The following METTL16 variants were observed in gnomAD, a reference collection of about 807,000 sequenced individuals.
METTL16 encodes the protein methyltransferase 16, RNA N6-adenosine.
METTL16 carries 19 observed loss-of-function variants against 57.9 expected under a neutral mutation model. That is an observed-to-expected ratio of 0.33 (90% confidence interval 0.23 to 0.48). The LOEUF (loss-of-function observed/expected upper bound fraction) is 0.48, where lower values mean the gene tolerates loss of function less well. METTL16 is among the 20% of genes least tolerant of loss of function. The pLI is 0.99. For synonymous variants in METTL16, 246 were observed against 255.6 expected, an observed-to-expected ratio of 0.96 and a Z score of 0.36; for missense variants, 434 against 691.5, an observed-to-expected ratio of 0.63 and a Z score of 4.18.
In METTL16 at chr17:2,417,058, C is replaced by CTTTATTTTTTTT. The variant is rs2066722449; in HGVS notation, c.*2911_*2912insAAAAAAAATAAA. 1 of 61,534 alleles carries CTTTATTTTTTTT rather than the reference C, an allele frequency of 1.6e-5. No individual in the cohort carries two copies. Among genetic ancestry groups the CTTTATTTTTTTT allele is most frequent in the Admixed American group, 2.3e-4 (1 of 4,298 alleles). 3.8% of individuals were successfully genotyped at this position (61,534 alleles called of 1,614,324 possible). A position where few individuals can be genotyped will look rare whatever the true frequency, so the allele number is the denominator to read the frequency against. On this transcript the variant is annotated 3_prime_UTR_variant, in exon 10 of 10. Coordinates refer to ENST00000263092, the MANE Select transcript of METTL16 (RefSeq NM_024086.4). The stretch of plus-strand genomic sequence containing the variant: ...TGAAAGCTGGCCTGCTCATGGGTTC[C>CTTTATTTTTTTT]TTTTTTTTTTTTTTTTTTTTTTTTT...
chr17:2,493,429 C>G (rs906956758), intron 2 of METTL16, among the ~76,000 whole-genome samples: 9 of 151,164 alleles, frequency 6.0e-5, no homozygotes, highest in Non-Finnish European at 1.0e-4. Flanking sequence ...AAATACAAAG[C>G]CATTGTAGGC....
intron 6 of METTL16, among the ~76,000 whole-genome samples, chr17:2,443,568 G>C (rs1364698908): frequency 6.7e-6 from 1 of 149,960 alleles, no homozygotes. Flanking sequence ...CTCGCTGCAA[G>C]CTCCACCTCC....
Position 2,420,766 on chromosome 17 carries a change from TGACAAC to T in METTL16, c.1021_1026del (p.Val341_Val342del). 1 of 1,614,006 alleles carries T rather than the reference TGACAAC, an allele frequency of 6.2e-7. No homozygotes were observed. The highest frequency in any genetic ancestry group is 8.5e-7 in the Non-Finnish European group (1 of 1,179,972). On this transcript the variant is annotated inframe_deletion, in exon 9 of 10. Coordinates refer to ENST00000263092, the MANE Select transcript of METTL16 (RefSeq NM_024086.4). This position sits in a 1 kb window ranked among gnomAD's most constrained non-coding sequence, Gnocchi z 5.4. ...GTGAGAATTTTTTCAATCCATGTCG[TGACAAC>T]GACTATGCCTTCCGCCGTCTCCGAG...
intron 2 of METTL16, among the ~76,000 whole-genome samples, chr17:2,488,612 G>A (rs1405698392): frequency 3.3e-5 from 5 of 152,068 alleles, no homozygotes; most frequent in Non-Finnish European, 5.9e-5. Context: ...ATCCTGTCAC[G>A]TGCTAGAACA....
At chr17:2,462,251 A>G (rs1305710023) in intron 6 of METTL16, among the ~76,000 whole-genome samples, 1 of 152,224 alleles carries the variant, frequency 6.6e-6, no homozygotes, top group Admixed American at 6.5e-5. Flanking sequence ...GTATGATTCC[A>G]TTTGTATGAA....
rs371604025 is a variant in METTL16, at chr17:2,462,880, TA to T, written c.728+1327del. Among the ~76,000 whole-genome samples the T allele has an allele frequency of 2.8e-3, 427 of 152,306 alleles. 5 individuals are homozygous for T. The highest frequency in any genetic ancestry group is 9.1e-3 in the African/African-American group (377 of 41,562). ...CGTGTATTTACCACAATAATAATAA[TA>T]AATAAAACCTTCCCTATGTCCCAAA... On this transcript the variant is annotated intron_variant, in intron 6 of 9. Transcript: ENST00000263092.
intron 2 of METTL16, among the ~76,000 whole-genome samples, chr17:2,486,252 T>G (rs375448628): frequency 2.2e-4 from 33 of 152,134 alleles, no homozygotes; most frequent in African/African-American, 7.7e-4. Context: ...GAAAAACTAT[T>G]AATAATCACA....
intron 1 of METTL16, among the ~76,000 whole-genome samples, chr17:2,502,850 T>C (rs949184151): frequency 1.3e-5 from 2 of 151,742 alleles, no homozygotes; most frequent in African/African-American, 4.8e-5. Context: ...ATCAGGGAAA[T>C]ACAAATCAAA....
intron 6 of METTL16, among the ~76,000 whole-genome samples, chr17:2,458,044 TA>T (rs928284076): frequency 3.3e-5 from 5 of 152,110 alleles, no homozygotes; most frequent in African/African-American, 1.2e-4. Flanking sequence ...CATACCCAGC[TA>T]ATTTTTAAAT....
At chr17:2,488,549 A>G (rs1194404656) in intron 2 of METTL16, among the ~76,000 whole-genome samples, 1 of 151,990 alleles carries the variant, frequency 6.6e-6, no homozygotes, top group East Asian at 1.9e-4. Context: ...ACAGAGCAAG[A>G]CTCCGTTCCC....
intron 6 of METTL16, among the ~76,000 whole-genome samples, chr17:2,462,835 A>C (rs957279905): frequency 6.6e-6 from 1 of 152,192 alleles, no homozygotes; most frequent in Admixed American, 6.5e-5. Context: ...GGACTAATAC[A>C]GATGGTAAAT....
At chr17:2,506,500 CTGGTCTCCAGCT>C (rs59189197) in intron 1 of METTL16, among the ~76,000 whole-genome samples, 84,481 of 149,178 alleles carry the variant, frequency 0.57, 26,938 homozygotes, top group Non-Finnish European at 0.73. Flanking sequence ...GTTGGCCGGG[CTGGTCTCCAGCT>C]CCTAACCGCG....
At chr17:2,506,702 C>T (rs557057747) in intron 1 of METTL16, among the ~76,000 whole-genome samples, 3 of 152,124 alleles carry the variant, frequency 2.0e-5, no homozygotes, top group Admixed American at 6.5e-5. Context: ...TCTGCCCAGC[C>T]GCCACCCCGT....
Position 2,441,465 on chromosome 17 carries a change from G to A in METTL16, c.798+25C>T, listed in dbSNP as rs75813369. Reference sequence around the variant, plus strand: ...TGGATACAAAGAAAAGTAGCTACACGAGAACAGTAATGAGGAAGCCTCACC... The same window carrying A: ...TGGATACAAAGAAAAGTAGCTACACAAGAACAGTAATGAGGAAGCCTCACC... On this transcript the variant is annotated intron_variant, in intron 7 of 9. Coordinates refer to ENST00000263092, the MANE Select transcript of METTL16 (RefSeq NM_024086.4). 2.8e-5 allele frequency: 43 copies of A among 1,535,152 alleles called. No homozygotes were observed. In the African/African-American group the frequency reaches 4.7e-4, roughly 17 times the overall value.
chr17:2,507,490 C>T (rs1352127409), intron 1 of METTL16, among the ~76,000 whole-genome samples: 2 of 145,588 alleles, frequency 1.4e-5, no homozygotes, highest in Non-Finnish European at 3.0e-5. Flanking sequence ...GCCGCCCTGT[C>T]CGGGAGGGAG....
chr17:2,477,825 A>G lies in METTL16; in HGVS notation c.189T>C (p.Asp63=), dbSNP rs1277842388. The G allele has an allele frequency of 3.7e-6, 6 of 1,613,978 alleles. No individual in the cohort carries two copies. In the Admixed American group the frequency reaches 8.3e-5, roughly 22 times the overall value. The change falls in exon 3 of 10, where the codon GAT becomes GAC. Residue 63 remains aspartate, a synonymous_variant. Coordinates refer to ENST00000263092, the MANE Select transcript of METTL16 (RefSeq NM_024086.4). ...ATGGAATATCAATAGAAAGTCCAAA[A>G]TCTTCCCTTAGGAGAGTACACGTCA... is the stretch of plus-strand genomic sequence containing the variant. ...RALTCTLLRE[D]FGLSIDIPLE...
At chr17:2,462,315 G>A (rs2067155513) in intron 6 of METTL16, among the ~76,000 whole-genome samples, 1 of 152,176 alleles carries the variant, frequency 6.6e-6, no homozygotes, top group South Asian at 2.1e-4. Context: ...TGGTTGCCAG[G>A]GGCTCAGGAA....
chr17:2,469,619 G>C (rs1335408075), intron 4 of METTL16, among the ~76,000 whole-genome samples: 1 of 152,120 alleles, frequency 6.6e-6, no homozygotes, highest in Non-Finnish European at 1.5e-5. Context: ...CTGCCTCCTG[G>C]GTTCAAGCGA....
chr17:2,462,551 G>A (rs977333940), intron 6 of METTL16, among the ~76,000 whole-genome samples: 2 of 152,120 alleles, frequency 1.3e-5, no homozygotes, highest in African/African-American at 4.8e-5. Flanking sequence ...TGGATCCTGA[G>A]GGCAGATTTC....
Sources: gnomAD v4.1 joint callset for allele counts (sites outside exome capture counted in the v4.1 genomes callset) on GRCh38, gnomAD v4.1.1 for gene constraint, Gnocchi (gnomAD v3.1) non-coding constraint, MANE v1.5 for transcripts, NCBI Gene and HGNC (gene_info 2026-07-23, HGNC 2026-07-21) for gene names.